The following ADAMTS20 variants were observed in gnomAD, a reference collection of about 807,000 sequenced individuals.
ADAMTS20 encodes the protein ADAM metallopeptidase with thrombospondin type 1 motif 20.
In ADAMTS20, 225 loss-of-function variants were observed where a neutral mutation model predicts 260.1. The observed-to-expected ratio is 0.87, with a 90% CI of 0.78 to 0.97. ADAMTS20 has a LOEUF of 0.97. Ranked by LOEUF, ADAMTS20 falls within the 50% of genes least tolerant of loss-of-function variation. The probability of loss-of-function intolerance (pLI) is 0.00; values close to 1 mark genes in which losing one functional copy is unlikely to be tolerated. For synonymous variants in ADAMTS20, 802 were observed against 769.5 expected (o/e 1.04, Z -0.70); for missense variants, 2,400 against 2,337.7 (o/e 1.03, Z -0.55).
intron 14 of ADAMTS20, among the ~76,000 whole-genome samples, chr12:43,450,755 T>C (rs892737476): frequency 7.2e-5 from 11 of 152,164 alleles, no homozygotes; most frequent in Non-Finnish European, 1.0e-4. Flanking sequence ...AACTGACAGA[T>C]AACATTGTAT....
chr12:43,539,390 T>A (rs1201624588), intron 2 of ADAMTS20, among the ~76,000 whole-genome samples: 1 of 152,234 alleles, frequency 6.6e-6, no homozygotes, highest in African/African-American at 2.4e-5. Flanking sequence ...TACACGTTTT[T>A]AAATAGTTCA....
At chr12:43,524,450 GC>G (rs1036220111) in intron 3 of ADAMTS20, among the ~76,000 whole-genome samples, 1 of 151,950 alleles carries the variant, frequency 6.6e-6, no homozygotes, top group African/African-American at 2.4e-5. Context: ...ACAAAACAAG[GC>G]TCTATAAAAC....
At chr12:43,528,569 C>A (rs1318201613) in intron 3 of ADAMTS20, among the ~76,000 whole-genome samples, 1 of 151,752 alleles carries the variant, frequency 6.6e-6, no homozygotes, top group Non-Finnish European at 1.5e-5. Context: ...AACGGGTGCC[C>A]TGTTTAATAA....
intron 3 of ADAMTS20, among the ~76,000 whole-genome samples, chr12:43,515,486 TTAC>T (rs1176502779): frequency 1.3e-5 from 2 of 152,170 alleles, no homozygotes; most frequent in Admixed American, 1.3e-4. Flanking sequence ...TAATCTACAT[TTAC>T]TCCTCCTGGC....
intron 28 of ADAMTS20, among the ~76,000 whole-genome samples, chr12:43,409,695 G>T (rs1940996894): frequency 6.7e-6 from 1 of 149,470 alleles, no homozygotes; most frequent in Admixed American, 6.6e-5. Flanking sequence ...TTTAAAAAAT[G>T]GTTGCATAGC....
intron 2 of ADAMTS20, among the ~76,000 whole-genome samples, chr12:43,545,300 C>T (rs1204752490): frequency 6.6e-6 from 1 of 152,186 alleles, no homozygotes; most frequent in Non-Finnish European, 1.5e-5. Context: ...TTCAAATTCT[C>T]ACTCCTTTAC....
At chr12:43,504,627 CTTTGA>C (rs1412712027) in intron 3 of ADAMTS20, among the ~76,000 whole-genome samples, 1 of 152,014 alleles carries the variant, frequency 6.6e-6, no homozygotes, top group Non-Finnish European at 1.5e-5. Context: ...AATATTTATG[CTTTGA>C]TTTATTTGTT....
At chr12:43,369,634 A>G (rs192538415) in intron 36 of ADAMTS20, among the ~76,000 whole-genome samples, 10 of 152,296 alleles carry the variant, frequency 6.6e-5, no homozygotes, top group Admixed American at 5.9e-4. Context: ...AATTAAACAG[A>G]AGAGTTAAAA....
chr12:43,494,667 T>G (rs1441041522), intron 4 of ADAMTS20, among the ~76,000 whole-genome samples: 10 of 152,174 alleles, frequency 6.6e-5, no homozygotes, highest in African/African-American at 2.4e-4. Flanking sequence ...AGCTGATTGG[T>G]GATTTCAAGC....
Position 43,376,038 on chromosome 12 carries a change from AC to A in ADAMTS20, c.5312+18del. On this transcript the variant is annotated intron_variant, in intron 35 of 38. Coordinates refer to ENST00000389420, the MANE Select transcript of ADAMTS20 (RefSeq NM_025003.5). ...GAGGACCATGAAAATGCTCAGATAG[AC>A]CAAAACACATCTCGTACCTAAAGCC... The A allele has an allele frequency of 6.3e-7, 1 of 1,576,074 alleles. No individual in the cohort carries two copies. Among genetic ancestry groups the A allele is most frequent in the Non-Finnish European group, 8.6e-7 (1 of 1,160,810 alleles).
At chr12:43,428,114 T>C in intron 26 of ADAMTS20, 127 bp downstream of exon 26, 1 of 969,946 alleles carries the variant, frequency 1.0e-6, no homozygotes. Flanking sequence ...ATCTTTTTAA[T>C]ATTTAAACTA....
At chr12:43,409,475 G>A (rs1467697525) in intron 28 of ADAMTS20, among the ~76,000 whole-genome samples, 1 of 148,886 alleles carries the variant, frequency 6.7e-6, no homozygotes, top group Admixed American at 6.7e-5. Flanking sequence ...AGTGGCGGGC[G>A]CCTGTAGTCC....
chr12:43,551,356 A>C lies in ADAMTS20; in HGVS notation c.92-86T>G. 6.6e-7 allele frequency: 1 copy of C among 1,516,334 alleles called. No homozygotes were observed. The allele number at this position is 1,516,334 out of a possible 1,614,324, so 93.9% of individuals were successfully genotyped here. A position where few individuals can be genotyped will look rare whatever the true frequency, so the allele number is the denominator to read the frequency against. ...CTTCTTCCACCAAACGTCCCCGCTA[A>C]AGGTCCCAGGTCCCAGTACAGCCAG... On this transcript the variant is annotated intron_variant, in intron 1 of 38. Transcript: ENST00000389420. The surrounding 1 kb of genome is among the most constrained non-coding windows in gnomAD (Gnocchi z 4.6).
chr12:43,367,027 C>T, intron 37 of ADAMTS20, among the ~76,000 whole-genome samples: 1 of 151,872 alleles, frequency 6.6e-6, no homozygotes. Context: ...AATTTGAATA[C>T]ATCTATAATA....
At chr12:43,430,181 C>T (rs1448960401) in intron 23 of ADAMTS20, among the ~76,000 whole-genome samples, 171 bp downstream of exon 23, 3 of 151,264 alleles carry the variant, frequency 2.0e-5, no homozygotes, top group African/African-American at 7.3e-5. Context: ...AGCTACAAAG[C>T]TGGCAAAACC....
chr12:43,503,180 T>G (rs1316051344), intron 3 of ADAMTS20, among the ~76,000 whole-genome samples: 1 of 152,184 alleles, frequency 6.6e-6, no homozygotes, highest in Admixed American at 6.5e-5. Flanking sequence ...GTGCTTGTCC[T>G]ATTTCTCTCC....
intron 37 of ADAMTS20, among the ~76,000 whole-genome samples, chr12:43,359,335 C>A (rs1328769554): frequency 6.6e-6 from 1 of 152,128 alleles, no homozygotes; most frequent in African/African-American, 2.4e-5. Flanking sequence ...CAAGTTTTAA[C>A]GTTTCACTTC....
intron 2 of ADAMTS20, among the ~76,000 whole-genome samples, chr12:43,542,693 C>G (rs1943392566): frequency 6.6e-6 from 1 of 152,036 alleles, no homozygotes; most frequent in Non-Finnish European, 1.5e-5. Context: ...AAATAAATGC[C>G]TTTTAGGCTT....
At chr12:43,468,863 G>C (rs1411997289) in intron 7 of ADAMTS20, among the ~76,000 whole-genome samples, 158 bp from the exon 8 acceptor site, 1 of 152,126 alleles carries the variant, frequency 6.6e-6, no homozygotes, top group Non-Finnish European at 1.5e-5. Flanking sequence ...GTGAAAAAGA[G>C]AATGGAATGA....
Sources: gnomAD v4.1 joint callset for allele counts (sites outside exome capture counted in the v4.1 genomes callset) on GRCh38, gnomAD v4.1.1 for gene constraint, Gnocchi (gnomAD v3.1) non-coding constraint, MANE v1.5 for transcripts, NCBI Gene and HGNC (gene_info 2026-07-23, HGNC 2026-07-21) for gene names.